ADCY5: variants seen among roughly 807,000 people sequenced by gnomAD.
ADCY5 encodes the protein adenylate cyclase 5, also known as adenylate cyclase type 5.
Under a neutral mutation model 119.7 loss-of-function variants are expected in ADCY5, and 30 were observed. The ratio of observed to expected loss-of-function variants is 0.25; its 90% confidence interval spans 0.19 to 0.34. ADCY5 has a LOEUF of 0.34. Ranked by LOEUF, ADCY5 falls within the 10% of genes least tolerant of loss-of-function variation. The pLI is 1.00. For synonymous variants in ADCY5, 753 were observed against 762.2 expected, an observed-to-expected ratio of 0.99 and a Z score of 0.20; for missense variants, 1,324 against 1,775.2, an observed-to-expected ratio of 0.75 and a Z score of 4.57.
chr3:123,315,519 G>T (rs1940865836), intron 11 of ADCY5, among the ~76,000 whole-genome samples: 1 of 152,206 alleles, frequency 6.6e-6, no homozygotes, highest in African/African-American at 2.4e-5. Context: ...GCAGCAAAGA[G>T]GCAGGACTAT....
chr3:123,380,715 C>T (rs1209260915), intron 1 of ADCY5, among the ~76,000 whole-genome samples: 1 of 152,204 alleles, frequency 6.6e-6, no homozygotes, highest in Non-Finnish European at 1.5e-5. Flanking sequence ...AAATGGGGCC[C>T]ACTCTCTGGG....
chr3:123,399,030 G>A lies in ADCY5; in HGVS notation c.1135-46449C>T, dbSNP rs191790927. ...CTTAGAATCTCCCAGGGGCAGGACT[G>A]GGGGAGCTCTCTCCATACCCTCCCC... On this transcript the variant is annotated intron_variant, in intron 1 of 20. Transcript: ENST00000462833. Among the ~76,000 whole-genome samples the A allele has an allele frequency of 3.3e-3, 499 of 152,258 alleles. 3 individuals are homozygous for A. Among genetic ancestry groups the A allele is most frequent in the African/African-American group, 0.011 (475 of 41,544 alleles).
intron 1 of ADCY5, among the ~76,000 whole-genome samples, chr3:123,375,102 C>G (rs1943780266): frequency 1.3e-5 from 2 of 152,202 alleles, no homozygotes; most frequent in African/African-American, 4.8e-5. Flanking sequence ...CCCCTGGTGA[C>G]ACCTCCACCC....
intron 6 of ADCY5, among the ~76,000 whole-genome samples, chr3:123,328,271 A>C (rs1576580002): frequency 1.4e-5 from 2 of 148,134 alleles, no homozygotes; most frequent in East Asian, 2.0e-4. Flanking sequence ...TTCCCACCCC[A>C]CCTTCCTCAC....
intron 1 of ADCY5, among the ~76,000 whole-genome samples, chr3:123,436,288 G>A (rs985430207): frequency 3.3e-5 from 5 of 151,716 alleles, no homozygotes; most frequent in Non-Finnish European, 2.9e-5. Flanking sequence ...TGGGAGGATT[G>A]CTTGAGCCCC....
At chr3:123,366,480 T>C (rs1431876154) in intron 1 of ADCY5, among the ~76,000 whole-genome samples, 2 of 151,992 alleles carry the variant, frequency 1.3e-5, no homozygotes, top group Non-Finnish European at 2.9e-5. Flanking sequence ...TTCAGAAACA[T>C]GAGATGTGGT....
At position 123,448,020 on chromosome 3, in the gene ADCY5, C is replaced by T. The variant is rs1015484639; in HGVS notation, c.526G>A (p.Gly176Ser). 2 of 1,270,996 alleles carry T rather than the reference C, an allele frequency of 1.6e-6. No individual in the cohort carries two copies. The highest frequency in any genetic ancestry group is 2.0e-6 in the Non-Finnish European group (2 of 1,013,574). 78.7% of individuals were successfully genotyped at this position (1,270,996 alleles called of 1,614,324 possible). A position where few individuals can be genotyped will look rare whatever the true frequency, so the allele number is the denominator to read the frequency against. ...GACCCCTCGCCGCCCTCGACGGCGC[C>T]GGCCTCCAGCTCGTCGGCCGCGCGC... is the stretch of plus-strand genomic sequence containing the variant. ...KGRAADELEA[G>S]AVEGGEGSGD... Residue 176 changes from glycine (G) to serine (S), a missense_variant, in exon 1 of 21, where the codon GGC becomes AGC. By Grantham distance (56) the Gly-to-Ser change is moderately conservative. Around this residue, in one of 6 missense-constraint regions of ADCY5, gnomAD observed 585 missense variants for 569.9 expected, o/e 1.03. Transcript: ENST00000462833.
chr3:123,318,609 C>T (rs895086572), intron 10 of ADCY5, among the ~76,000 whole-genome samples: 21 of 152,358 alleles, frequency 1.4e-4, no homozygotes, highest in African/African-American at 4.8e-4. Context: ...AGCAGCCACA[C>T]TGATGGAGGT....
chr3:123,304,503 C>T (rs549695691), intron 12 of ADCY5, among the ~76,000 whole-genome samples: 13 of 152,076 alleles, frequency 8.5e-5, no homozygotes, highest in Non-Finnish European at 1.2e-4. Flanking sequence ...CACATTGACC[C>T]GCTGTGTGCC....
chr3:123,429,345 C>T (rs1945474396), intron 1 of ADCY5, among the ~76,000 whole-genome samples: 1 of 152,206 alleles, frequency 6.6e-6, no homozygotes, highest in Non-Finnish European at 1.5e-5. Flanking sequence ...CATCCCACAC[C>T]TGGCTGGCTA....
At chr3:123,285,426 A>C (rs1280765796) in intron 20 of ADCY5, among the ~76,000 whole-genome samples, 1 of 150,728 alleles carries the variant, frequency 6.6e-6, no homozygotes, top group African/African-American at 2.5e-5. Flanking sequence ...TGCTGGGTGA[A>C]AGAGAAGAGT....
chr3:123,405,895 A>G (rs1408436667), intron 1 of ADCY5, among the ~76,000 whole-genome samples: 4 of 152,162 alleles, frequency 2.6e-5, no homozygotes, highest in African/African-American at 9.7e-5. Flanking sequence ...TTGGCCTCCC[A>G]AAGTGCTGGG....
At chr3:123,320,641 G>A in intron 9 of ADCY5, 108 bp downstream of exon 9, 1 of 1,445,888 alleles carries the variant, frequency 6.9e-7, no homozygotes, top group South Asian at 1.2e-5. Flanking sequence ...AGCTAAGACT[G>A]CAAGAGGAGT....
chr3:123,408,776 G>C (rs969451291), intron 1 of ADCY5, among the ~76,000 whole-genome samples: 1 of 152,050 alleles, frequency 6.6e-6, no homozygotes, highest in Non-Finnish European at 1.5e-5. Context: ...AGGAATTCAA[G>C]ATCAGCCTGG....
intron 1 of ADCY5, among the ~76,000 whole-genome samples, chr3:123,376,371 A>T (rs1038803231): frequency 6.6e-6 from 1 of 151,976 alleles, no homozygotes; most frequent in African/African-American, 2.4e-5. Flanking sequence ...AAGAATCACT[A>T]GGACAGCTAA....
At chr3:123,300,368 C>T in intron 14 of ADCY5, 73 bp from the exon 15 acceptor site, 1 of 1,519,270 alleles carries the variant, frequency 6.6e-7, no homozygotes, top group South Asian at 1.2e-5. Flanking sequence ...ATGCATCCTC[C>T]AGTCTGAGCT....
chr3:123,328,098 A>G (rs1472969874), intron 6 of ADCY5, among the ~76,000 whole-genome samples: 1 of 152,008 alleles, frequency 6.6e-6, no homozygotes, highest in African/African-American at 2.4e-5. Flanking sequence ...GACAGGACGG[A>G]GTCCAAATTC....
rs147366266 is a variant in ADCY5 at position 123,283,697 on chromosome 3, T to TACAC, written c.*907_*910dup. The TACAC allele has an allele frequency of 6.6e-6, 1 of 152,154 alleles. No homozygotes were observed. Among genetic ancestry groups the TACAC allele is most frequent in the Non-Finnish European group, 1.5e-5 (1 of 68,050 alleles). The allele number at this position is 152,154 out of a possible 1,614,324, so 9.4% of individuals were successfully genotyped here. ...ATATACACCAGTACATACACCGACA[T>TACAC]ACACACAGTACAAATGAGCACACCC... On this transcript the variant is annotated 3_prime_UTR_variant, in exon 21 of 21. Coordinates refer to ENST00000462833, the MANE Select transcript of ADCY5 (RefSeq NM_183357.3).
chr3:123,340,682 A>G (rs1239571724), intron 3 of ADCY5, among the ~76,000 whole-genome samples: 1 of 152,192 alleles, frequency 6.6e-6, no homozygotes, highest in Non-Finnish European at 1.5e-5. Flanking sequence ...CCAGGTAAGG[A>G]TGTGGAGGAA....
Sources: allele counts gnomAD v4.1 joint callset (sites outside exome capture counted in the v4.1 genomes callset), GRCh38; gene constraint gnomAD v4.1.1; regional missense constraint gnomAD v4.1.1; transcripts MANE v1.5; gene names NCBI Gene and HGNC (gene_info 2026-07-23, HGNC 2026-07-21).